GRIK2: variants seen among roughly 807,000 people sequenced by gnomAD.
GRIK2 encodes the protein glutamate ionotropic receptor kainate type subunit 2.
In GRIK2, 32 loss-of-function variants were observed where a neutral mutation model predicts 100.3. The ratio of observed to expected loss-of-function variants is 0.32; its 90% CI spans 0.24 to 0.43. GRIK2 has a LOEUF of 0.43. Ranked by LOEUF, GRIK2 falls within the 20% of genes least tolerant of loss-of-function variation. The probability of loss-of-function intolerance (pLI) is 1.00; values close to 1 mark genes in which losing one functional copy is unlikely to be tolerated. For synonymous variants in GRIK2, 417 were observed against 389.4 expected, an observed-to-expected ratio of 1.07 and a Z score of -0.83; for missense variants, 843 against 1,114.9, an observed-to-expected ratio of 0.76 and a Z score of 3.47.
intron 2 of GRIK2, among the ~76,000 whole-genome samples, chr6:101,484,009 C>A (rs961713502): frequency 1.3e-5 from 2 of 152,182 alleles, no homozygotes; most frequent in African/African-American, 4.8e-5. Flanking sequence ...GTTGTATAGA[C>A]TTTTCTAAGC....
intron 10 of GRIK2, among the ~76,000 whole-genome samples, chr6:101,825,205 T>A (rs1022821047): frequency 4.6e-5 from 7 of 152,170 alleles, no homozygotes; most frequent in African/African-American, 1.7e-4. Flanking sequence ...ACTAAAGTCT[T>A]CTCCAACCCC....
intron 2 of GRIK2, among the ~76,000 whole-genome samples, chr6:101,515,447 G>C (rs1192571738): frequency 6.6e-6 from 1 of 152,082 alleles, no homozygotes; most frequent in Non-Finnish European, 1.5e-5. Flanking sequence ...TGGGATTGCT[G>C]GATTAAACAG....
intron 12 of GRIK2, among the ~76,000 whole-genome samples, chr6:101,907,585 C>T (rs1788317725): frequency 6.6e-6 from 1 of 151,696 alleles, no homozygotes; most frequent in Admixed American, 6.6e-5. Context: ...ACTTTCACAA[C>T]TGTAAGTAAA....
chr6:101,799,837 C>G, intron 8 of GRIK2, 46 bp downstream of exon 8: 2 of 1,474,198 alleles, frequency 1.4e-6, no homozygotes, highest in Non-Finnish European at 1.9e-6. Context: ...TGTTGTCAAG[C>G]TGAATGAAGT....
intron 2 of GRIK2, among the ~76,000 whole-genome samples, chr6:101,503,573 A>G (rs1056131115): frequency 3.9e-5 from 6 of 152,158 alleles, no homozygotes; most frequent in African/African-American, 9.7e-5. Context: ...CAAAAAAGCT[A>G]TGTTGCTCTA....
At chr6:101,941,876 T>A (rs1366054736) in intron 14 of GRIK2, among the ~76,000 whole-genome samples, 1 of 152,134 alleles carries the variant, frequency 6.6e-6, no homozygotes, top group Non-Finnish European at 1.5e-5. Flanking sequence ...GAATGAAGTA[T>A]ACAATATGAG....
At chr6:101,446,292 A>C (rs1770370883) in intron 2 of GRIK2, among the ~76,000 whole-genome samples, 1 of 151,980 alleles carries the variant, frequency 6.6e-6, no homozygotes, top group Non-Finnish European at 1.5e-5. Context: ...TCCTGATAGC[A>C]AAGGTTTGAG....
intron 4 of GRIK2, among the ~76,000 whole-genome samples, chr6:101,654,230 G>A (rs1346918439): frequency 1.3e-5 from 2 of 152,036 alleles, no homozygotes; most frequent in Non-Finnish European, 2.9e-5. Flanking sequence ...CAAGGTCATT[G>A]TATCTAGTAG....
At chr6:101,898,191 T>C (rs1254890465) in intron 12 of GRIK2, among the ~76,000 whole-genome samples, 1 of 151,866 alleles carries the variant, frequency 6.6e-6, no homozygotes. Context: ...AGATTAGAGA[T>C]GTTTTCTTTT....
intron 15 of GRIK2, among the ~76,000 whole-genome samples, chr6:102,050,989 CAAT>C (rs1384210125): frequency 1.3e-5 from 2 of 152,048 alleles, no homozygotes; most frequent in African/African-American, 4.8e-5. Flanking sequence ...CATGAAATCA[CAAT>C]ATTACATAAA....
chr6:101,668,393 G>A (rs1331123386), intron 4 of GRIK2, among the ~76,000 whole-genome samples: 4 of 152,066 alleles, frequency 2.6e-5, no homozygotes, highest in African/African-American at 9.7e-5. Context: ...TCTCATTATA[G>A]TTAGCTCTCT....
intron 7 of GRIK2, among the ~76,000 whole-genome samples, chr6:101,694,484 A>G (rs1772330242): frequency 6.6e-6 from 1 of 152,058 alleles, no homozygotes; most frequent in South Asian, 2.1e-4. Context: ...AGAAAATCAA[A>G]ATAATTAAAA....
At chr6:101,482,908 A>T (rs754444687) in intron 2 of GRIK2, among the ~76,000 whole-genome samples, 1 of 152,158 alleles carries the variant, frequency 6.6e-6, no homozygotes, top group Admixed American at 6.5e-5. Context: ...TCACAGTGTT[A>T]AAGTTCTTAT....
chr6:101,911,973 T>G (rs1202292722), intron 12 of GRIK2, among the ~76,000 whole-genome samples: 2 of 150,798 alleles, frequency 1.3e-5, no homozygotes, highest in African/African-American at 4.9e-5. Flanking sequence ...AAGTAAGGAT[T>G]TATTTTCAAA....
At chr6:101,990,907 T>C (rs1247732426) in intron 14 of GRIK2, among the ~76,000 whole-genome samples, 1 of 151,910 alleles carries the variant, frequency 6.6e-6, no homozygotes, top group Non-Finnish European at 1.5e-5. Context: ...GTTGCTTCAT[T>C]TCAATAGTAA....
intron 2 of GRIK2, among the ~76,000 whole-genome samples, chr6:101,492,521 C>G (rs1276762445): frequency 6.6e-6 from 1 of 151,478 alleles, no homozygotes; most frequent in Non-Finnish European, 1.5e-5. Context: ...TGTTATTATT[C>G]TTTTGAAGGC....
intron 2 of GRIK2, among the ~76,000 whole-genome samples, chr6:101,519,163 G>A (rs1004882953): frequency 8.6e-5 from 13 of 151,956 alleles, no homozygotes; most frequent in African/African-American, 2.4e-4. Flanking sequence ...CTACAATTTC[G>A]GGTATACTAG....
chr6:101,506,052 A>G (rs796506041), intron 2 of GRIK2, among the ~76,000 whole-genome samples: 1 of 152,144 alleles, frequency 6.6e-6, no homozygotes, highest in Non-Finnish European at 1.5e-5. Flanking sequence ...ACTTTGAAAT[A>G]AATTAACCAA....
chr6:101,601,415 C>G (rs1326158819), intron 2 of GRIK2, among the ~76,000 whole-genome samples: 1 of 151,778 alleles, frequency 6.6e-6, no homozygotes, highest in Non-Finnish European at 1.5e-5. Flanking sequence ...TGTGTCTCTG[C>G]TAGGTTTTGG....
Sources: allele counts gnomAD v4.1 joint callset (sites outside exome capture counted in the v4.1 genomes callset), GRCh38; gene constraint gnomAD v4.1.1; transcripts MANE v1.5; gene names NCBI Gene and HGNC (gene_info 2026-07-23, HGNC 2026-07-21).